Variants in TUBGCP2 observed in about 807,000 individuals in gnomAD.
TUBGCP2 encodes the protein tubulin gamma complex component 2, also known as gamma-tubulin complex component 2.
In TUBGCP2, 55 loss-of-function variants were observed where a neutral mutation model predicts 92.2. That is an observed-to-expected ratio of 0.60 (90% CI 0.48 to 0.75). TUBGCP2 has a LOEUF of 0.75. TUBGCP2 is among the 30% of genes least tolerant of loss of function. TUBGCP2 has a pLI of 0.00. For synonymous variants in TUBGCP2, 533 were observed against 505.2 expected, an observed-to-expected ratio of 1.06 and a Z score of -0.74; for missense variants, 1,093 against 1,188.9, an observed-to-expected ratio of 0.92 and a Z score of 1.19.
chr10:133,300,018 C>T lies in TUBGCP2; in HGVS notation c.246G>A (p.Val82=), dbSNP rs1302705776. Residue 82 remains valine, a synonymous_variant, in exon 3 of 18, where the codon GTG becomes GTA. Transcript: ENST00000252936. ...SKNTRNLDPL[V]YLLSKLTEDK... ...CTTCCGTGAGCTTTGACAACAGGTA[C>T]ACCAGCGGGTCAAGGTTCCTTGTAT... The T allele has an allele frequency of 6.2e-7, 1 of 1,614,060 alleles. No homozygotes were observed. The highest frequency in any genetic ancestry group is 1.3e-5 in the African/African-American group (1 of 74,932).
At chr10:133,312,308 C>T (rs117978699), upstream of TUBGCP2, 555 of 1,201,104 alleles carry the variant, frequency 4.6e-4, 3 homozygotes, top group East Asian at 0.017. Context: ...TCACCTGTGC[C>T]GTCTGCCTTT....
rs1296315466 is a variant in TUBGCP2 at position 133,287,639 on chromosome 10, G to A, written c.1722+490C>T. 1.6e-4 allele frequency among the ~76,000 whole-genome samples: 5 copies of A among 31,800 alleles called. No individual in the cohort carries two copies. The East Asian group carries it at 9.4e-3, about 60-fold the overall frequency. The allele number at this position is 31,800 out of a possible 152,430, so 20.9% of individuals were successfully genotyped here. A position where few individuals can be genotyped will look rare whatever the true frequency, so the allele number is the denominator to read the frequency against. On this transcript the variant is annotated intron_variant, in intron 11 of 17. Transcript: ENST00000252936. ...CACCTGTAATCCCAGCTACTCGGGA[G>A]GCTGAGGTAGAGCATCACTTGAACC...
At chr10:133,298,696 G>A (rs1237421599) in intron 4 of TUBGCP2, among the ~76,000 whole-genome samples, 3 of 152,276 alleles carry the variant, frequency 2.0e-5, no homozygotes, top group African/African-American at 7.2e-5. Flanking sequence ...GGGCTGGTCA[G>A]GGACACGGGC....
intron 2 of TUBGCP2, 194 bp from the exon 3 acceptor site, chr10:133,300,307 G>A (rs899194823): frequency 1.5e-6 from 1 of 645,640 alleles, no homozygotes. Context: ...GCTAGGCAGT[G>A]GCTCATGACT....
At chr10:133,300,702 C>T (rs1236259315) in intron 2 of TUBGCP2, among the ~76,000 whole-genome samples, 1 of 151,072 alleles carries the variant, frequency 6.6e-6, no homozygotes, top group Non-Finnish European at 1.5e-5. Flanking sequence ...CTCTCAAACT[C>T]CCAGGCTCAA....
chr10:133,309,636 C>T, upstream of TUBGCP2: 1 of 1,270,068 alleles, frequency 7.9e-7, no homozygotes, highest in Non-Finnish European at 1.1e-6. Flanking sequence ...GTTTGTGAAA[C>T]TTAATTCATA....
upstream of TUBGCP2, chr10:133,309,203 G>GGCCGGA: frequency 7.3e-7 from 1 of 1,375,458 alleles, no homozygotes; most frequent in Non-Finnish European, 9.6e-7. Flanking sequence ...TGCGGGGCGG[G>GGCCGGA]GCCGGAGCCT....
chr10:133,295,831 T>G (rs1847475714), intron 5 of TUBGCP2: 1 of 152,442 alleles, frequency 6.6e-6, no homozygotes, highest in South Asian at 2.1e-4. Flanking sequence ...CAAGGTCCCG[T>G]GGTGTGGCAC....
chr10:133,280,559 GAC>G (rs1217601755), intron 17 of TUBGCP2, among the ~76,000 whole-genome samples: 1 of 152,216 alleles, frequency 6.6e-6, no homozygotes, highest in African/African-American at 2.4e-5. Flanking sequence ...AGCCCCACAG[GAC>G]ACACACAGCC....
intron 16 of TUBGCP2, 31 bp from the exon 17 acceptor site, chr10:133,281,467 G>T: frequency 6.2e-7 from 1 of 1,604,120 alleles, no homozygotes; most frequent in Non-Finnish European, 8.5e-7. Flanking sequence ...CGTGAGCCAT[G>T]CCCACCCCCA....
At chr10:133,310,303 G>A (rs755486094), upstream of TUBGCP2, 17 of 1,613,478 alleles carry the variant, frequency 1.1e-5, no homozygotes, top group South Asian at 1.1e-4. Context: ...GGAGCCGCCA[G>A]GCTCAGCACG....
At position 133,292,561 on chromosome 10, in the gene TUBGCP2, A is replaced by G. The variant is rs1448110760; in HGVS notation, c.1152T>C (p.Ser384=). The G allele has an allele frequency of 3.1e-6, 5 of 1,614,018 alleles. No individual in the cohort carries two copies. The highest frequency in any genetic ancestry group is 4.2e-6 in the Non-Finnish European group (5 of 1,180,020). The part of the protein sequence containing the change: ...ELCLYLTKAA[S]APYFEVLEKW... ...TCTCCAGAACCTCGAAGTAGGGAGC[A>G]CTGGCCGCCTTGGTTAGGTACAGGC... The change falls in exon 8 of 18, where the codon AGT becomes AGC. Residue 384 remains serine, a synonymous_variant. Coordinates refer to ENST00000252936, the MANE Select transcript of TUBGCP2 (RefSeq NM_006659.4).
intron 17 of TUBGCP2, 96 bp from the exon 18 acceptor site, chr10:133,279,997 ACC>A: frequency 6.6e-7 from 1 of 1,508,402 alleles, no homozygotes. Context: ...TAGGGTGCAC[ACC>A]CCTTCTGCGG....
upstream of TUBGCP2, chr10:133,309,281 G>T: frequency 7.1e-7 from 1 of 1,414,546 alleles, no homozygotes; most frequent in South Asian, 1.3e-5. Context: ...TGAGGCTGTG[G>T]GGCGGGACCG....
chr10:133,282,320 A>G lies in TUBGCP2; in HGVS notation c.2312T>C (p.Leu771Ser), dbSNP rs745815614. 1.9e-6 allele frequency: 3 copies of G among 1,605,730 alleles called. No individual in the cohort carries two copies. Among genetic ancestry groups the G allele is most frequent in the South Asian group, 2.2e-5 (2 of 90,588 alleles). The change falls in exon 16 of 18, where the codon TTA becomes TCA. Residue 771 changes from leucine to serine, a missense_variant. By Grantham distance (145) the Leu-to-Ser change is moderately radical. Coordinates refer to ENST00000252936, the MANE Select transcript of TUBGCP2 (RefSeq NM_006659.4). ...CGTCTGCCCGCCCAGCTCGCCATCT[A>G]ATTTCATGCTCTGTGTAAATTTCTA... ...CMQKFTQSMK[L>S]DGELGGQTLE...
chr10:133,280,504 G>A (rs544951892), intron 17 of TUBGCP2, among the ~76,000 whole-genome samples: 3 of 152,306 alleles, frequency 2.0e-5, no homozygotes, highest in South Asian at 2.1e-4. Flanking sequence ...TTTCCCCCAG[G>A]CTAGGTGTTA....
At chr10:133,284,657 G>A (rs574746731) in intron 13 of TUBGCP2, among the ~76,000 whole-genome samples, 3 of 152,278 alleles carry the variant, frequency 2.0e-5, no homozygotes, top group South Asian at 4.1e-4. Flanking sequence ...CACTGCACCC[G>A]ACTGGACAAA....
chr10:133,298,059 G>C lies in TUBGCP2; in HGVS notation c.509C>G (p.Ser170Ter). Residue 170 changes from serine to a stop codon, truncating the protein, a stop_gained, in exon 5 of 18, where the codon TCA (serine) becomes TGA (stop). Coordinates refer to ENST00000252936, the MANE Select transcript of TUBGCP2 (RefSeq NM_006659.4). LOFTEE classifies it high-confidence loss of function. Reference sequence around the variant, plus strand: ...TGGGAAGATGGGGAGGTGCTGGCCTGAATTTTTTTTGTTCTGCTTGTCTCG... The same window carrying C: ...TGGGAAGATGGGGAGGTGCTGGCCTCAATTTTTTTTGTTCTGCTTGTCTCG... ...MLRDKQNKKN[S>*]GQHLPIFPAW... is the part of the protein sequence containing the mutation. The C allele has an allele frequency of 6.2e-7, 1 of 1,614,176 alleles. No individual in the cohort carries two copies. Among genetic ancestry groups the C allele is most frequent in the Non-Finnish European group, 8.5e-7 (1 of 1,180,040 alleles).
In TUBGCP2 at chr10:133,291,268, C is replaced by T. The variant is rs1045163580; in HGVS notation, c.1214+1231G>A. The stretch of plus-strand genomic sequence containing the variant: ...GTGTCCCCCATGTCCCTCCGTGTCC[C>T]CCATGTCCCTCCGTGTCCCTGTGTC... On this transcript the variant is annotated intron_variant, in intron 8 of 17. Coordinates refer to ENST00000252936, the MANE Select transcript of TUBGCP2 (RefSeq NM_006659.4). Among the ~76,000 whole-genome samples the T allele has an allele frequency of 6.0e-4, 29 of 48,522 alleles. 2 individuals carry two copies. In the African/African-American group the frequency reaches 8.4e-3, roughly 14 times the overall value. 31.8% of individuals were successfully genotyped at this position (48,522 alleles called of 152,430 possible).
Sources: allele counts gnomAD v4.1 joint callset (sites outside exome capture counted in the v4.1 genomes callset), GRCh38; gene constraint gnomAD v4.1.1; transcripts MANE v1.5; gene names NCBI Gene and HGNC (gene_info 2026-07-23, HGNC 2026-07-21).